DACH1: variants seen among roughly 807,000 people sequenced by gnomAD.
DACH1 encodes dachshund homolog 1.
Under a neutral mutation model 54.2 loss-of-function variants are expected in DACH1, and 12 were observed. The ratio of observed to expected loss-of-function variants is 0.22; its 90% confidence interval spans 0.14 to 0.36. The LOEUF (loss-of-function observed/expected upper bound fraction) is 0.36, where lower values mean the gene tolerates loss of function less well. Ranked by LOEUF, DACH1 falls within the 10% of genes least tolerant of loss-of-function variation. DACH1 has a pLI of 1.00. For missense variants in DACH1, 805 were observed against 929.8 expected (o/e 0.87, Z 1.75); for synonymous variants, 386 against 366.2 (o/e 1.05, Z -0.62).
intron 1 of DACH1, among the ~76,000 whole-genome samples, chr13:71,722,515 C>T (rs1480154028): frequency 3.3e-5 from 5 of 151,942 alleles, no homozygotes; most frequent in Admixed American, 6.6e-5. Context: ...GGGGTACTTC[C>T]GGATAATAAT....
chr13:71,503,336 A>G (rs1566301581), intron 6 of DACH1, among the ~76,000 whole-genome samples: 1 of 152,178 alleles, frequency 6.6e-6, no homozygotes, highest in Non-Finnish European at 1.5e-5. Context: ...ATTTTTATAT[A>G]TGACTTGTTG....
chr13:71,773,603 T>G (rs1885947417), intron 1 of DACH1, among the ~76,000 whole-genome samples: 1 of 151,988 alleles, frequency 6.6e-6, no homozygotes, highest in South Asian at 2.1e-4. Context: ...TCATAGTACT[T>G]TCAACCATTA....
At chr13:71,654,007 T>C (rs1489433079) in intron 2 of DACH1, among the ~76,000 whole-genome samples, 1 of 152,196 alleles carries the variant, frequency 6.6e-6, no homozygotes, top group Admixed American at 6.5e-5. Flanking sequence ...ACTACATCTA[T>C]AGTATGTATG....
intron 6 of DACH1, among the ~76,000 whole-genome samples, chr13:71,527,606 A>G (rs1882084213): frequency 6.6e-6 from 1 of 152,218 alleles, no homozygotes; most frequent in African/African-American, 2.4e-5. Context: ...GGAAACAATT[A>G]CAATGAGAGG....
intron 6 of DACH1, among the ~76,000 whole-genome samples, chr13:71,552,840 T>TAGAG (rs1566335729): frequency 5.9e-5 from 1 of 16,862 alleles, no homozygotes; most frequent in Non-Finnish European, 1.1e-4. Flanking sequence ...TATATATATA[T>TAGAG]ATAGAGAGAG....
intron 3 of DACH1, among the ~76,000 whole-genome samples, chr13:71,622,457 A>G (rs962517347): frequency 3.9e-5 from 6 of 152,028 alleles, no homozygotes; most frequent in Non-Finnish European, 8.8e-5. Flanking sequence ...ATCATCAATC[A>G]TATGAAATTC....
chr13:71,637,930 A>C (rs1019839553), intron 2 of DACH1, among the ~76,000 whole-genome samples: 40 of 152,160 alleles, frequency 2.6e-4, no homozygotes, highest in Admixed American at 1.4e-3. Flanking sequence ...TGAAAGGCCC[A>C]ATCTTTGATC....
intron 4 of DACH1, among the ~76,000 whole-genome samples, chr13:71,565,170 G>T (rs1474609515): frequency 1.3e-5 from 2 of 152,100 alleles, no homozygotes; most frequent in African/African-American, 4.8e-5. Context: ...GCCTCCCAAA[G>T]TGCTGGGATT....
intron 1 of DACH1, among the ~76,000 whole-genome samples, chr13:71,752,309 T>C (rs1190587636): frequency 3.9e-5 from 6 of 152,216 alleles, no homozygotes; most frequent in Non-Finnish European, 8.8e-5. Context: ...CAACTGTTGA[T>C]TTTAAAAATA....
At chr13:71,514,417 TA>T (rs1483877273) in intron 6 of DACH1, among the ~76,000 whole-genome samples, 1 of 151,832 alleles carries the variant, frequency 6.6e-6, no homozygotes, top group African/African-American at 2.4e-5. Flanking sequence ...AGGATTTATA[TA>T]AAAAAGAATG....
At chr13:71,581,973 A>G (rs1379685309) in intron 3 of DACH1, among the ~76,000 whole-genome samples, 1 of 152,210 alleles carries the variant, frequency 6.6e-6, no homozygotes, top group Non-Finnish European at 1.5e-5. Flanking sequence ...GGAATTATAA[A>G]TATGGGACTG....
intron 6 of DACH1, among the ~76,000 whole-genome samples, chr13:71,521,501 A>T (rs1487557522): frequency 1.3e-5 from 2 of 152,066 alleles, no homozygotes; most frequent in African/African-American, 4.8e-5. Context: ...AACACATTTT[A>T]AAACCACCTC....
At chr13:71,590,985 T>A (rs1421340248) in intron 3 of DACH1, among the ~76,000 whole-genome samples, 1 of 150,664 alleles carries the variant, frequency 6.6e-6, no homozygotes, top group Non-Finnish European at 1.5e-5. Context: ...TTCAAGCTAT[T>A]CTCCCTCCTC....
chr13:71,485,310 A>G (rs987059741), intron 7 of DACH1, among the ~76,000 whole-genome samples: 1 of 151,578 alleles, frequency 6.6e-6, no homozygotes, highest in East Asian at 1.9e-4. Context: ...ACTGAACTGT[A>G]TCCATATTCT....
At chr13:71,829,883 G>T (rs909904155) in intron 1 of DACH1, among the ~76,000 whole-genome samples, 3 of 151,732 alleles carry the variant, frequency 2.0e-5, no homozygotes, top group African/African-American at 7.3e-5. Context: ...AGATTACCAA[G>T]AAAAAAATGC....
At chr13:71,768,536 A>G (rs1885729236) in intron 1 of DACH1, among the ~76,000 whole-genome samples, 1 of 151,962 alleles carries the variant, frequency 6.6e-6, no homozygotes, top group Admixed American at 6.6e-5. Flanking sequence ...TTTGCTCTCA[A>G]ATAAATAAGA....
chr13:71,808,644 G>A (rs768063674), intron 1 of DACH1, among the ~76,000 whole-genome samples: 19 of 152,160 alleles, frequency 1.2e-4, no homozygotes, highest in Non-Finnish European at 2.5e-4. Flanking sequence ...CAAAGAAGTT[G>A]ATGTTTTAAA....
chr13:71,764,643 C>A (rs1253324444), intron 1 of DACH1, among the ~76,000 whole-genome samples: 1 of 152,138 alleles, frequency 6.6e-6, no homozygotes, highest in Non-Finnish European at 1.5e-5. Flanking sequence ...TTTCACTCCC[C>A]ATATCTAATA....
intron 6 of DACH1, among the ~76,000 whole-genome samples, chr13:71,494,497 G>A (rs1160476456): frequency 1.3e-5 from 2 of 152,058 alleles, no homozygotes; most frequent in Non-Finnish European, 2.9e-5. Context: ...CACATTTCAG[G>A]TAGGGTAGGC....
Sources: gnomAD v4.1 joint callset for allele counts (sites outside exome capture counted in the v4.1 genomes callset) on GRCh38, gnomAD v4.1.1 for gene constraint, MANE v1.5 for transcripts, NCBI Gene and HGNC (gene_info 2026-07-23, HGNC 2026-07-21) for gene names.